The following TAFA1 variants were observed in gnomAD, a reference collection of about 807,000 sequenced individuals.
The protein encoded by TAFA1 is chemokine-like protein TAFA-1.
TAFA1 carries 4 observed loss-of-function variants against 18.5 expected under a neutral mutation model. The ratio of observed to expected loss-of-function variants is 0.22; its 90% CI spans 0.11 to 0.49. TAFA1 has a LOEUF of 0.49. Among genes scored for constraint, TAFA1 ranks in the 20% least tolerant of loss-of-function variants. The pLI is 0.98. For missense variants in TAFA1, 147 were observed against 169.0 expected, an observed-to-expected ratio of 0.87 and a Z score of 0.72; for synonymous variants, 56 against 55.2, an observed-to-expected ratio of 1.01 and a Z score of -0.06.
At chr3:68,022,240 T>C (rs564893499) in intron 2 of TAFA1, among the ~76,000 whole-genome samples, 1 of 152,214 alleles carries the variant, frequency 6.6e-6, no homozygotes, top group Non-Finnish European at 1.5e-5. Flanking sequence ...AAGTTCTTTC[T>C]ACAGGATACG....
chr3:68,142,634 T>G (rs1428782877), intron 2 of TAFA1, among the ~76,000 whole-genome samples: 1 of 152,222 alleles, frequency 6.6e-6, no homozygotes, highest in Non-Finnish European at 1.5e-5. Flanking sequence ...CCTCCTACTC[T>G]AACAGGGTGG....
At chr3:68,394,770 C>G (rs1311746050) in intron 2 of TAFA1, among the ~76,000 whole-genome samples, 4 of 152,158 alleles carry the variant, frequency 2.6e-5, no homozygotes, top group African/African-American at 7.2e-5. Flanking sequence ...AACTGAACCT[C>G]TTCCTTACAC....
intron 2 of TAFA1, among the ~76,000 whole-genome samples, chr3:68,079,719 A>T (rs1332292243): frequency 6.6e-6 from 1 of 151,746 alleles, no homozygotes; most frequent in East Asian, 1.9e-4. Flanking sequence ...TGCTGAGGAG[A>T]GCTTTACTTC....
At chr3:68,262,349 A>ATATTTATATT (rs1553662624) in intron 2 of TAFA1, among the ~76,000 whole-genome samples, 1 of 78,730 alleles carries the variant, frequency 1.3e-5, no homozygotes, top group African/African-American at 4.7e-5. Context: ...ATATATATAT[A>ATATTTATATT]TATATATATT....
At chr3:68,212,371 T>G (rs191369489) in intron 2 of TAFA1, among the ~76,000 whole-genome samples, 1 of 152,144 alleles carries the variant, frequency 6.6e-6, no homozygotes, top group Non-Finnish European at 1.5e-5. Context: ...TGAGAAGTTT[T>G]TAGTAGAGAA....
chr3:68,145,359 C>G (rs899704209), intron 2 of TAFA1: 82 of 815,306 alleles, frequency 1.0e-4, no homozygotes, highest in Non-Finnish European at 1.6e-4. Flanking sequence ...CGCACCTTTG[C>G]CCTGGTCTCT....
chr3:68,305,613 T>G (rs1340007172), intron 2 of TAFA1, among the ~76,000 whole-genome samples: 1 of 151,486 alleles, frequency 6.6e-6, no homozygotes, highest in Non-Finnish European at 1.5e-5. Flanking sequence ...GATACACTAG[T>G]AAATTTCCTA....
chr3:68,306,260 A>G (rs548637434), intron 2 of TAFA1, among the ~76,000 whole-genome samples: 3 of 152,298 alleles, frequency 2.0e-5, no homozygotes, highest in Non-Finnish European at 4.4e-5. Flanking sequence ...CTTTTATTAC[A>G]TTATAGCTTT....
chr3:68,428,002 T>C (rs1194002678), intron 3 of TAFA1, among the ~76,000 whole-genome samples: 3 of 152,002 alleles, frequency 2.0e-5, no homozygotes, highest in Non-Finnish European at 4.4e-5. Context: ...CTCTTTCATT[T>C]ATACATTACC....
chr3:68,023,494 A>G (rs1160262931), intron 2 of TAFA1, among the ~76,000 whole-genome samples: 3 of 152,136 alleles, frequency 2.0e-5, no homozygotes, highest in Non-Finnish European at 4.4e-5. Context: ...GTACAGTTCT[A>G]CCATGTTCCT....
At chr3:68,539,023 G>C in intron 4 of TAFA1, 143 bp downstream of exon 4, 1 of 779,434 alleles carries the variant, frequency 1.3e-6, no homozygotes, top group Admixed American at 3.1e-5. Context: ...ATGCAGATCA[G>C]TGTCCATCCG....
intron 2 of TAFA1, among the ~76,000 whole-genome samples, chr3:68,415,983 A>T (rs960381059): frequency 2.0e-5 from 3 of 152,202 alleles, no homozygotes; most frequent in African/African-American, 7.2e-5. Flanking sequence ...TTTGAGCCAG[A>T]TCATTCTTTC....
At chr3:68,370,308 AAAAAAAAAAAAAAATATATATATAT>A (rs2069658422) in intron 2 of TAFA1, among the ~76,000 whole-genome samples, 1 of 64,010 alleles carries the variant, frequency 1.6e-5, no homozygotes, top group African/African-American at 7.0e-5. Context: ...AAAAAAAAAA[AAAAAAAAAAAAAAATATATATATAT>A]ATATATATAT....
At position 68,403,430 on chromosome 3, in the gene TAFA1, G is replaced by C. The variant is rs188877422; in HGVS notation, c.119-13850G>C. 2.6e-4 allele frequency among the ~76,000 whole-genome samples: 39 copies of C among 152,324 alleles called. No homozygotes were observed. The East Asian group carries it at 7.5e-3, about 29-fold the overall frequency. On this transcript the variant is annotated intron_variant, in intron 2 of 4. Coordinates refer to ENST00000478136, the MANE Select transcript of TAFA1 (RefSeq NM_213609.4). ...TGGCTGTGTTTGCAGGAGTTACTCA[G>C]GGACTAGATCTTCTGGAGCAGGCAC...
chr3:68,213,449 T>G (rs2066619038), intron 2 of TAFA1, among the ~76,000 whole-genome samples: 1 of 152,110 alleles, frequency 6.6e-6, no homozygotes, highest in Non-Finnish European at 1.5e-5. Context: ...CTGGCTTGGC[T>G]GTATGTAGTT....
intron 2 of TAFA1, among the ~76,000 whole-genome samples, chr3:68,013,773 G>A (rs1329860418): frequency 6.6e-6 from 1 of 152,060 alleles, no homozygotes; most frequent in African/African-American, 2.4e-5. Context: ...AACTCTGTTG[G>A]CCCATTATTT....
chr3:68,453,285 A>G (rs1048478264), intron 3 of TAFA1, among the ~76,000 whole-genome samples: 2 of 152,164 alleles, frequency 1.3e-5, no homozygotes, highest in African/African-American at 4.8e-5. Flanking sequence ...CAGGTCCTAT[A>G]TTAGGATGTG....
chr3:68,431,085 C>A (rs1404041611), intron 3 of TAFA1, among the ~76,000 whole-genome samples: 1 of 151,886 alleles, frequency 6.6e-6, no homozygotes, highest in Non-Finnish European at 1.5e-5. Context: ...GTAGCTCCCT[C>A]CCTAACCCCC....
chr3:68,381,233 G>C (rs1314463741), intron 2 of TAFA1, among the ~76,000 whole-genome samples: 2 of 151,554 alleles, frequency 1.3e-5, no homozygotes, highest in African/African-American at 2.4e-5. Context: ...TTTTGGCTTA[G>C]GATTCACTTG....
Sources: allele counts gnomAD v4.1 joint callset (sites outside exome capture counted in the v4.1 genomes callset), GRCh38; gene constraint gnomAD v4.1.1; transcripts MANE v1.5; gene names NCBI Gene and HGNC (gene_info 2026-07-23, HGNC 2026-07-21).